CYP7B1: variants seen among roughly 807,000 people sequenced by gnomAD.
CYP7B1 encodes cytochrome P450 7B1.
In CYP7B1, 29 loss-of-function variants were observed where a neutral mutation model predicts 42.7. The ratio of observed to expected loss-of-function variants is 0.68; its 90% CI spans 0.51 to 0.93. CYP7B1 has a LOEUF of 0.93. Among genes scored for constraint, CYP7B1 ranks in the 40% least tolerant of loss-of-function variants. CYP7B1 has a pLI of 0.00. For missense variants in CYP7B1, 655 were observed against 600.5 expected, an observed-to-expected ratio of 1.09 and a Z score of -0.95; for synonymous variants, 235 against 218.2, an observed-to-expected ratio of 1.08 and a Z score of -0.68.
intron 1 of CYP7B1, among the ~76,000 whole-genome samples, chr8:64,658,837 C>G (rs1806159804): frequency 6.6e-6 from 1 of 152,170 alleles, no homozygotes; most frequent in Non-Finnish European, 1.5e-5. Context: ...TGTTCCTTTG[C>G]TGTACTTTAA....
At chr8:64,704,427 C>G (rs1229307658) in intron 1 of CYP7B1, among the ~76,000 whole-genome samples, 2 of 151,856 alleles carry the variant, frequency 1.3e-5, no homozygotes, top group Non-Finnish European at 2.9e-5. Context: ...TATGACTTTC[C>G]TAAGTAACAT....
chr8:64,687,198 T>C lies in CYP7B1; in HGVS notation c.123-62659A>G, dbSNP rs114525032. ...GGAAGGAATCAAAATGTACATAAAC[T>C]GATGAATGGATAAAGAAGATGTGGT... On this transcript the variant is annotated intron_variant, in intron 1 of 5. Transcript: ENST00000310193. 4.6e-3 allele frequency among the ~76,000 whole-genome samples: 707 copies of C among 152,238 alleles called. 6 individuals carry two copies. The highest frequency in any genetic ancestry group is 0.015 in the African/African-American group (639 of 41,530).
intron 1 of CYP7B1, among the ~76,000 whole-genome samples, chr8:64,664,973 TA>T: frequency 6.6e-6 from 1 of 152,010 alleles, no homozygotes; most frequent in South Asian, 2.1e-4. Context: ...AGCATCATCA[TA>T]AAAAAAAGCA....
chr8:64,597,679 G>C lies in CYP7B1; in HGVS notation c.1234-750C>G, dbSNP rs569367692. Among the ~76,000 whole-genome samples the C allele has an allele frequency of 6.6e-5, 10 of 152,178 alleles. No individual in the cohort carries two copies. The South Asian group carries it at 2.1e-3, about 32-fold the overall frequency. ...TGGGACTGCTTTACCTAGAGTGTTG[G>C]GCCTGCCATCTTAATTTTGCCTTGC... On this transcript the variant is annotated intron_variant, in intron 5 of 5. Transcript: ENST00000310193.
chr8:64,710,861 T>A (rs889456685), intron 1 of CYP7B1, among the ~76,000 whole-genome samples: 38 of 151,524 alleles, frequency 2.5e-4, no homozygotes, highest in Non-Finnish European at 5.2e-4. Flanking sequence ...AAACTAAGCT[T>A]CATATTTGAA....
chr8:64,604,835 T>A lies in CYP7B1; in HGVS notation c.1080A>T (p.Leu360Phe). The change falls in exon 5 of 6, where the codon TTA becomes TTT. Residue 360 changes from leucine to phenylalanine, a missense_variant. Coordinates refer to ENST00000310193, the MANE Select transcript of CYP7B1 (RefSeq NM_004820.5). ...ICLESSIFEALRLSSYSTTIR... is the reference protein window; with the variant it reads ...ICLESSIFEAFRLSSYSTTIR... ...TGGTGGTTGAATATGAGGACAGTCG[T>A]AAAGCTTCAAAAATGCTGCTTTCTG... The A allele has an allele frequency of 6.2e-7, 1 of 1,614,080 alleles. No homozygotes were observed. The highest frequency in any genetic ancestry group is 8.5e-7 in the Non-Finnish European group (1 of 1,180,014).
chr8:64,749,277 C>T (rs1807693239), intron 1 of CYP7B1, among the ~76,000 whole-genome samples: 2 of 151,974 alleles, frequency 1.3e-5, no homozygotes, highest in African/African-American at 2.4e-5. Flanking sequence ...GACGGGGTTT[C>T]ACCATGTTGG....
intron 1 of CYP7B1, among the ~76,000 whole-genome samples, chr8:64,751,947 T>C (rs971886754): frequency 2.0e-5 from 3 of 152,058 alleles, no homozygotes; most frequent in Admixed American, 6.6e-5. Flanking sequence ...TAAAAGTTTA[T>C]TTTTTTTCCT....
intron 1 of CYP7B1, among the ~76,000 whole-genome samples, chr8:64,698,976 G>C (rs1199213837): frequency 6.6e-6 from 1 of 152,026 alleles, no homozygotes; most frequent in African/African-American, 2.4e-5. Context: ...TCTAATCATA[G>C]GTTCTGACAG....
chr8:64,796,775 G>C (rs946506663), intron 1 of CYP7B1, among the ~76,000 whole-genome samples: 1 of 152,162 alleles, frequency 6.6e-6, no homozygotes, highest in African/African-American at 2.4e-5. Context: ...GTGCAACACA[G>C]GGTATATTTC....
intron 1 of CYP7B1, among the ~76,000 whole-genome samples, chr8:64,721,585 C>G (rs1185252475): frequency 2.6e-5 from 4 of 152,116 alleles, no homozygotes; most frequent in African/African-American, 9.7e-5. Flanking sequence ...TTGTGATGCA[C>G]AGTATTAGCG....
chr8:64,672,146 A>G (rs1344566855), intron 1 of CYP7B1, among the ~76,000 whole-genome samples: 1 of 152,178 alleles, frequency 6.6e-6, no homozygotes, highest in African/African-American at 2.4e-5. Flanking sequence ...GATTAATGAT[A>G]TGATCTTGTA....
intron 1 of CYP7B1, among the ~76,000 whole-genome samples, chr8:64,778,174 A>AATATATATAT (rs60859854): frequency 0.059 from 7,851 of 132,892 alleles, 345 homozygotes; most frequent in Admixed American, 0.13. Context: ...ACTAGTTTGA[A>AATATATATAT]ATATATATAT....
At chr8:64,777,285 C>T (rs868403769) in intron 1 of CYP7B1, among the ~76,000 whole-genome samples, 32 of 151,582 alleles carry the variant, frequency 2.1e-4, no homozygotes, top group African/African-American at 6.3e-4. Flanking sequence ...AACATGAGCA[C>T]TATTTACAGA....
intron 1 of CYP7B1, among the ~76,000 whole-genome samples, chr8:64,747,194 C>G (rs1370769912): frequency 6.8e-6 from 1 of 146,938 alleles, no homozygotes; most frequent in Non-Finnish European, 1.5e-5. Context: ...TTTATACATA[C>G]TATATATTTA....
At chr8:64,694,044 A>G (rs1806788393) in intron 1 of CYP7B1, among the ~76,000 whole-genome samples, 1 of 152,182 alleles carries the variant, frequency 6.6e-6, no homozygotes, top group South Asian at 2.1e-4. Flanking sequence ...CATCAGCTCT[A>G]TTTCAAAGGG....
intron 1 of CYP7B1, among the ~76,000 whole-genome samples, chr8:64,718,137 T>G (rs4236935): frequency 6.6e-6 from 1 of 151,918 alleles, no homozygotes; most frequent in African/African-American, 2.4e-5. Flanking sequence ...ATTTCAAAGG[T>G]CTAAATAAAG....
In CYP7B1 at chr8:64,624,951, C is replaced by CTT. The variant is rs71260892; in HGVS notation, c.123-414_123-413dup. Among the ~76,000 whole-genome samples, 27 of 54,060 alleles carry CTT rather than the reference C, an allele frequency of 5.0e-4. 5 individuals are homozygous for CTT. The highest frequency in any genetic ancestry group is 8.3e-4 in the African/African-American group (8 of 9,662). 35.5% of individuals were successfully genotyped at this position (54,060 alleles called of 152,430 possible). ...AGTCCCCAAAGTCCATTATATCATT[C>CTT]TTTTTTTTTTTTTTTTTTTTTTTTT... On this transcript the variant is annotated intron_variant, in intron 1 of 5. Transcript: ENST00000310193.
intron 2 of CYP7B1, among the ~76,000 whole-genome samples, chr8:64,620,075 A>G (rs933400307): frequency 3.9e-5 from 6 of 152,052 alleles, no homozygotes; most frequent in Non-Finnish European, 8.8e-5. Flanking sequence ...GGTCCCAGCT[A>G]CTCAGGAAGC....
Sources: gnomAD v4.1 joint callset for allele counts (sites outside exome capture counted in the v4.1 genomes callset) on GRCh38, gnomAD v4.1.1 for gene constraint, MANE v1.5 for transcripts, NCBI Gene and HGNC (gene_info 2026-07-23, HGNC 2026-07-21) for gene names.